Variants in EPS8 observed in about 807,000 individuals in gnomAD.
EPS8 encodes the protein EGFR pathway substrate 8, signaling adaptor.
Under a neutral mutation model 103.8 loss-of-function variants are expected in EPS8, and 42 were observed. The ratio of observed to expected loss-of-function variants is 0.40; its 90% confidence interval spans 0.32 to 0.52. EPS8 has a LOEUF of 0.52. Among genes scored for constraint, EPS8 ranks in the 20% least tolerant of loss-of-function variants. The pLI is 0.40. For synonymous variants in EPS8, 344 were observed against 344.6 expected (o/e 1.00, Z 0.02); for missense variants, 969 against 1,005.1 (o/e 0.96, Z 0.49).
chr12:15,629,272 C>T (rs1945002318), intron 18 of EPS8, among the ~76,000 whole-genome samples: 1 of 152,188 alleles, frequency 6.6e-6, no homozygotes, highest in Non-Finnish European at 1.5e-5. Flanking sequence ...GAACAAAGAA[C>T]AGACTGTCCT....
At chr12:15,705,080 G>C (rs184140206) in intron 1 of EPS8, among the ~76,000 whole-genome samples, 1 of 152,188 alleles carries the variant, frequency 6.6e-6, no homozygotes, top group Admixed American at 6.5e-5. Context: ...AAACTGAACT[G>C]CATCTTGAAG....
rs180756391 is a variant in EPS8, at chr12:15,684,177, G to C, written c.-21-1205C>G. 1.3e-5 allele frequency: 2 copies of C among 152,238 alleles called. No homozygotes were observed. The highest frequency in any genetic ancestry group is 6.5e-5 in the Admixed American group (1 of 15,276). 9.4% of individuals were successfully genotyped at this position (152,238 alleles called of 1,614,324 possible). On this transcript the variant is annotated intron_variant, in intron 1 of 20. Coordinates refer to ENST00000281172, the MANE Select transcript of EPS8 (RefSeq NM_004447.6). This position sits in a 1 kb window ranked among gnomAD's most constrained non-coding sequence, Gnocchi z 4.9. Reference sequence around the variant, plus strand: ...TAATAACAGAACTTAACTCTGATTGGAAGAGCACAGAAAGCCTACATAAAG... The same window carrying C: ...TAATAACAGAACTTAACTCTGATTGCAAGAGCACAGAAAGCCTACATAAAG...
chr12:15,688,211 C>T lies in EPS8; in HGVS notation c.-21-5239G>A, dbSNP rs1171657349. Among the ~76,000 whole-genome samples, 2 of 152,220 alleles carry T rather than the reference C, an allele frequency of 1.3e-5. No individual in the cohort carries two copies. The highest frequency in any genetic ancestry group is 2.9e-5 in the Non-Finnish European group (2 of 68,040). On this transcript the variant is annotated intron_variant, in intron 1 of 20. Transcript: ENST00000281172. This position sits in a 1 kb window ranked among gnomAD's most constrained non-coding sequence, Gnocchi z 5.1. Reference sequence around the variant, plus strand: ...AAGACATTTTACAAATATCACCTCACTTTATCCTTAAAACAACATTATCAG... The same window carrying T: ...AAGACATTTTACAAATATCACCTCATTTTATCCTTAAAACAACATTATCAG...
At chr12:15,719,808 T>C (rs963177256) in intron 1 of EPS8, among the ~76,000 whole-genome samples, 2 of 152,348 alleles carry the variant, frequency 1.3e-5, no homozygotes, top group Admixed American at 6.5e-5. Flanking sequence ...ATTTAGATTA[T>C]AGTTTAAGAC....
chr12:15,714,326 A>T lies in EPS8; in HGVS notation c.-21-31354T>A, dbSNP rs58976193. On this transcript the variant is annotated intron_variant, in intron 1 of 20. Coordinates refer to ENST00000281172, the MANE Select transcript of EPS8 (RefSeq NM_004447.6). The surrounding 1 kb of genome is among the most constrained non-coding windows in gnomAD (Gnocchi z 4.1). ...ACTAAAAAATCTGTATGTTTTATAA[A>T]ACCAAATTATATTTGAATAAAGATA... 0.013 allele frequency among the ~76,000 whole-genome samples: 2,006 copies of T among 152,324 alleles called. 44 individuals are homozygous for T. The highest frequency in any genetic ancestry group is 0.045 in the African/African-American group (1,887 of 41,570).
Position 15,713,126 on chromosome 12 carries a change from T to A in EPS8, c.-21-30154A>T. The A allele has an allele frequency of 2.9e-6, 1 of 342,130 alleles. No individual in the cohort carries two copies. Among genetic ancestry groups the A allele is most frequent in the Non-Finnish European group, 4.1e-6 (1 of 242,122 alleles). 21.2% of individuals were successfully genotyped at this position (342,130 alleles called of 1,614,324 possible). ...CTAAGATGATTTTTTTTTTAAGTTTTAAATGGTGAAAATAATACTGGCTAG... is the reference window on the plus strand; with the variant it reads ...CTAAGATGATTTTTTTTTTAAGTTTAAAATGGTGAAAATAATACTGGCTAG... On this transcript the variant is annotated intron_variant, in intron 1 of 20. Coordinates refer to ENST00000281172, the MANE Select transcript of EPS8 (RefSeq NM_004447.6). This position sits in a 1 kb window ranked among gnomAD's most constrained non-coding sequence, Gnocchi z 4.8.
At position 15,658,086 on chromosome 12, in the gene EPS8, A is replaced by G; in HGVS notation, c.1094T>C (p.Leu365Ser). 1 of 1,584,102 alleles carries G rather than the reference A, an allele frequency of 6.3e-7. No homozygotes were observed. The highest frequency in any genetic ancestry group is 2.2e-5 in the East Asian group (1 of 44,668). The change falls in exon 12 of 21, where the codon TTA becomes TCA. Residue 365 changes from leucine to serine, a missense_variant. Leu to Ser is a moderately radical substitution (Grantham distance 145). Transcript: ENST00000281172. ...ADLVHFLFTP[L>S]NMVVQATGGP... Reference sequence around the variant, plus strand: ...AAACTAATAAAATCTCACCATATTTAATGGAGTAAACAAAAAGTGAACCAA... The same window carrying G: ...AAACTAATAAAATCTCACCATATTTGATGGAGTAAACAAAAAGTGAACCAA...
intron 1 of EPS8, among the ~76,000 whole-genome samples, chr12:15,722,686 C>T (rs1055630419): frequency 1.3e-5 from 2 of 152,142 alleles, no homozygotes; most frequent in South Asian, 2.1e-4. Flanking sequence ...AAAATCAAAG[C>T]GCCAGCAGAT....
At chr12:15,666,972 ACTC>A (rs1369615481) in intron 6 of EPS8, among the ~76,000 whole-genome samples, 1 of 152,124 alleles carries the variant, frequency 6.6e-6, no homozygotes, top group African/African-American at 2.4e-5. Context: ...CATAAGATAA[ACTC>A]CAACGCTAGG....
At chr12:15,671,523 C>T (rs2135854239) in intron 3 of EPS8, among the ~76,000 whole-genome samples, 1 of 152,082 alleles carries the variant, frequency 6.6e-6, no homozygotes, top group Middle Eastern at 3.4e-3. Context: ...TAAATATAAG[C>T]TGATAGGAAA....
rs770741800 is a variant in EPS8 at position 15,698,877 on chromosome 12, G to A, written c.-21-15905C>T. On this transcript the variant is annotated intron_variant, in intron 1 of 20. Transcript: ENST00000281172. This position sits in a 1 kb window ranked among gnomAD's most constrained non-coding sequence, Gnocchi z 4.9. The stretch of plus-strand genomic sequence containing the variant: ...GAAGGAAATAGAATAAAACAATGTA[G>A]CATATTCTTGTAATTGTTGTATATG... Among the ~76,000 whole-genome samples the A allele has an allele frequency of 3.3e-5, 5 of 152,128 alleles. No individual in the cohort carries two copies. Among genetic ancestry groups the A allele is most frequent in the Non-Finnish European group, 7.4e-5 (5 of 68,026 alleles).
chr12:15,663,004 A>G (rs952725336), intron 8 of EPS8, among the ~76,000 whole-genome samples: 1 of 151,196 alleles, frequency 6.6e-6, no homozygotes, highest in Non-Finnish European at 1.5e-5. Flanking sequence ...GCCAACAAAA[A>G]AAAAAAAAAA....
intron 15 of EPS8, among the ~76,000 whole-genome samples, chr12:15,643,854 G>C (rs113220789): frequency 6.6e-6 from 1 of 151,824 alleles, no homozygotes; most frequent in Non-Finnish European, 1.5e-5. Context: ...ACTTGATAGA[G>C]AGCAGACATA....
At position 15,785,172 on chromosome 12, in the gene EPS8, G is replaced by C. The variant is rs936098428; in HGVS notation, c.-22+3989C>G. ...AAGGTGGAATGCAGATTGTAACAAA[G>C]AAATCTAACTGTATTATAAATGTGT... On this transcript the variant is annotated intron_variant, in intron 1 of 20. Transcript: ENST00000281172. This position sits in a 1 kb window ranked among gnomAD's most constrained non-coding sequence, Gnocchi z 4.9. Among the ~76,000 whole-genome samples the C allele has an allele frequency of 6.6e-6, 1 of 152,230 alleles. No homozygotes were observed. Among genetic ancestry groups the C allele is most frequent in the Non-Finnish European group, 1.5e-5 (1 of 67,942 alleles).
In EPS8 at chr12:15,693,294, T is replaced by C. The variant is rs575547407; in HGVS notation, c.-21-10322A>G. ...AAGAAGTCAGCCAGGGTTGTCTTAC[T>C]GTTTACTAAGCATTTCATTTCATCT... On this transcript the variant is annotated intron_variant, in intron 1 of 20. Coordinates refer to ENST00000281172, the MANE Select transcript of EPS8 (RefSeq NM_004447.6). The surrounding 1 kb of genome is among the most constrained non-coding windows in gnomAD (Gnocchi z 5.6). Among the ~76,000 whole-genome samples the C allele has an allele frequency of 4.3e-4, 65 of 152,342 alleles. 1 individual carries two copies. Among genetic ancestry groups the C allele is most frequent in the Admixed American group, 4.1e-3 (63 of 15,296 alleles).
intron 14 of EPS8, among the ~76,000 whole-genome samples, chr12:15,649,898 T>C (rs1034900324): frequency 4.6e-5 from 7 of 152,136 alleles, no homozygotes; most frequent in Non-Finnish European, 1.5e-5. Context: ...TCTAAGGAAT[T>C]AAATAAAAAT....
rs1457960477 is a variant in EPS8, at chr12:15,680,020, T to C, written c.136+1206A>G. ...ACACATATTAATGACAAAATATTTA[T>C]TGAATACATTCTCTAGATCTACAAT... On this transcript the variant is annotated intron_variant, in intron 3 of 20. Coordinates refer to ENST00000281172, the MANE Select transcript of EPS8 (RefSeq NM_004447.6). 5.9e-5 allele frequency among the ~76,000 whole-genome samples: 9 copies of C among 152,172 alleles called. No homozygotes were observed. In the East Asian group the frequency reaches 1.2e-3, roughly 20 times the overall value.
At chr12:15,768,858 C>T (rs908791839) in intron 1 of EPS8, among the ~76,000 whole-genome samples, 8 of 152,156 alleles carry the variant, frequency 5.3e-5, no homozygotes, top group African/African-American at 1.2e-4. Context: ...TGCAGATTCT[C>T]CAGGTTTACA....
intron 8 of EPS8, among the ~76,000 whole-genome samples, chr12:15,664,692 C>A (rs1276619344): frequency 6.6e-6 from 1 of 152,032 alleles, no homozygotes; most frequent in African/African-American, 2.4e-5. Flanking sequence ...AACTATAGTG[C>A]CAGATACCCT....
Sources: allele counts gnomAD v4.1 joint callset (sites outside exome capture counted in the v4.1 genomes callset), GRCh38; gene constraint gnomAD v4.1.1; non-coding constraint Gnocchi (gnomAD v3.1); transcripts MANE v1.5; gene names NCBI Gene and HGNC (gene_info 2026-07-23, HGNC 2026-07-21).